Variants in CTNNA3 observed in about 807,000 individuals in gnomAD.
The protein encoded by CTNNA3 is catenin alpha 3.
CTNNA3 carries 76 observed loss-of-function variants against 95.7 expected under a neutral mutation model. The observed-to-expected ratio is 0.79, with a 90% CI of 0.66 to 0.96. The LOEUF (loss-of-function observed/expected upper bound fraction) is 0.96. Among genes scored for constraint, CTNNA3 ranks in the 40% least tolerant of loss-of-function variants. The pLI, the probability that CTNNA3 is intolerant of heterozygous loss-of-function variation, is 0.00. For synonymous variants in CTNNA3, 431 were observed against 374.4 expected (o/e 1.15, Z -1.74); for missense variants, 1,191 against 1,089.8 (o/e 1.09, Z -1.31).
chr10:66,404,506 G>A (rs974068104), intron 11 of CTNNA3, among the ~76,000 whole-genome samples: 3 of 152,222 alleles, frequency 2.0e-5, no homozygotes, highest in Non-Finnish European at 2.9e-5. Context: ...AAGGTAAAGC[G>A]TAACAGTACT....
At chr10:67,549,619 A>G (rs1375663633) in intron 3 of CTNNA3, among the ~76,000 whole-genome samples, 1 of 152,246 alleles carries the variant, frequency 6.6e-6, no homozygotes, top group Non-Finnish European at 1.5e-5. Context: ...TACTTCAGAC[A>G]GAGTCGGCAA....
chr10:66,971,544 T>C (rs187613459), intron 7 of CTNNA3, among the ~76,000 whole-genome samples: 321 of 152,304 alleles, frequency 2.1e-3, no homozygotes, highest in Non-Finnish European at 3.8e-3. Context: ...TTCATCTTCT[T>C]TAAGCCTATA....
intron 11 of CTNNA3, among the ~76,000 whole-genome samples, chr10:66,511,871 G>C (rs925692021): frequency 2.0e-5 from 3 of 151,890 alleles, no homozygotes; most frequent in Admixed American, 6.6e-5. Context: ...ATGTCTATTA[G>C]GTTCATTTGG....
At chr10:67,648,633 A>G in intron 1 of CTNNA3, 2 of 813,206 alleles carry the variant, frequency 2.5e-6, no homozygotes, top group Non-Finnish European at 3.4e-6. Context: ...ATTAAGTGAA[A>G]AGATATTACT....
At chr10:66,982,755 G>A (rs1413774981) in intron 7 of CTNNA3, among the ~76,000 whole-genome samples, 1 of 152,168 alleles carries the variant, frequency 6.6e-6, no homozygotes, top group Non-Finnish European at 1.5e-5. Flanking sequence ...GAAAAGAAAA[G>A]TAGCAAATAG....
At chr10:65,963,450 G>A (rs916303817) in intron 17 of CTNNA3, among the ~76,000 whole-genome samples, 6 of 151,994 alleles carry the variant, frequency 3.9e-5, no homozygotes, top group Non-Finnish European at 7.4e-5. Flanking sequence ...TATTAACCAA[G>A]GCCCAAAACA....
chr10:67,200,321 A>G (rs910589721), intron 6 of CTNNA3, among the ~76,000 whole-genome samples: 1 of 152,218 alleles, frequency 6.6e-6, no homozygotes, highest in Non-Finnish European at 1.5e-5. Context: ...ATAAAAAAAT[A>G]GAAATTCTTA....
chr10:65,941,706 A>T (rs971395694), intron 17 of CTNNA3, among the ~76,000 whole-genome samples: 3 of 152,118 alleles, frequency 2.0e-5, no homozygotes, highest in African/African-American at 7.2e-5. Context: ...TTTCATATTT[A>T]GTATCTTGAT....
At chr10:66,905,794 T>C (rs1845964143) in intron 7 of CTNNA3, among the ~76,000 whole-genome samples, 1 of 152,142 alleles carries the variant, frequency 6.6e-6, no homozygotes, top group Non-Finnish European at 1.5e-5. Flanking sequence ...AATAGTCAAA[T>C]TCACAGAGAG....
At chr10:66,523,416 T>C (rs753540876) in intron 10 of CTNNA3, among the ~76,000 whole-genome samples, 5 of 152,186 alleles carry the variant, frequency 3.3e-5, no homozygotes, top group Non-Finnish European at 5.9e-5. Context: ...TTGACTCTTG[T>C]GATATTTAGC....
intron 16 of CTNNA3, among the ~76,000 whole-genome samples, chr10:65,978,938 C>T (rs577123796): frequency 1.3e-5 from 2 of 152,220 alleles, no homozygotes; most frequent in South Asian, 4.1e-4. Flanking sequence ...ATTAAAAATA[C>T]ACTGGAACTC....
chr10:66,559,318 C>T (rs889547333), intron 10 of CTNNA3, among the ~76,000 whole-genome samples: 7 of 152,042 alleles, frequency 4.6e-5, no homozygotes, highest in Non-Finnish European at 8.8e-5. Context: ...GGCTACAAGG[C>T]CAGGCATGAT....
intron 11 of CTNNA3, among the ~76,000 whole-genome samples, chr10:66,492,479 G>T (rs1839958176): frequency 1.3e-5 from 2 of 151,308 alleles, no homozygotes; most frequent in South Asian, 4.2e-4. Flanking sequence ...GTAGAGACAG[G>T]GTCTTGCTAT....
At chr10:66,417,066 T>G (rs2093152712) in intron 11 of CTNNA3, among the ~76,000 whole-genome samples, 2 of 152,036 alleles carry the variant, frequency 1.3e-5, no homozygotes, top group Admixed American at 1.3e-4. Context: ...ATAAATGGAT[T>G]AAATTCTTCA....
chr10:67,738,791 G>A lies in CTNNA3; in HGVS notation c.-2+24643C>T, dbSNP rs144104092. Among the ~76,000 whole-genome samples, 1,495 of 152,150 alleles carry A rather than the reference G, an allele frequency of 9.8e-3. 12 individuals carry two copies. Among genetic ancestry groups the A allele is most frequent in the Non-Finnish European group, 0.015 (1,035 of 68,012 alleles). ...AACCAAGGCACAAGAACTACATAACGAATGCACAAGCCTCGGAAGCCAATT... is the reference window on the plus strand; with the variant it reads ...AACCAAGGCACAAGAACTACATAACAAATGCACAAGCCTCGGAAGCCAATT... On this transcript the variant is annotated intron_variant, in intron 1 of 17. Transcript: ENST00000684154.
At chr10:66,556,653 T>C (rs1045528486) in intron 10 of CTNNA3, among the ~76,000 whole-genome samples, 8 of 152,042 alleles carry the variant, frequency 5.3e-5, no homozygotes, top group Admixed American at 1.3e-4. Context: ...GATCCACTTA[T>C]ATGTGAAATA....
At chr10:67,534,548 T>G (rs751247142) in intron 4 of CTNNA3, among the ~76,000 whole-genome samples, 24 of 152,136 alleles carry the variant, frequency 1.6e-4, no homozygotes, top group Non-Finnish European at 3.4e-4. Flanking sequence ...ACATACAAAT[T>G]GAAGCCCTTT....
rs1188954832 is a variant in CTNNA3 at position 66,865,213 on chromosome 10, C to CAT, written c.1048-89690_1048-89689insAT. 2.2e-4 allele frequency among the ~76,000 whole-genome samples: 31 copies of CAT among 143,928 alleles called. No individual in the cohort carries two copies. In the East Asian group the frequency reaches 3.8e-3, roughly 18 times the overall value. The allele number at this position is 143,928 out of a possible 152,430, so 94.4% of individuals were successfully genotyped here. A position where few individuals can be genotyped will look rare whatever the true frequency, so the allele number is the denominator to read the frequency against. On this transcript the variant is annotated intron_variant, in intron 7 of 17. Transcript: ENST00000433211. ...AACAGGCATGGGGTGTGTGTGTGTG[C>CAT]GTGTGTGTGTGTGTGTGTGTGTGTG...
intron 1 of CTNNA3, among the ~76,000 whole-genome samples, chr10:67,736,071 C>T (rs1254645852): frequency 6.6e-6 from 1 of 151,976 alleles, no homozygotes; most frequent in African/African-American, 2.4e-5. Flanking sequence ...AATGGATAAA[C>T]AAAATGTGGT....
Sources: gnomAD v4.1 joint callset for allele counts (sites outside exome capture counted in the v4.1 genomes callset) on GRCh38, gnomAD v4.1.1 for gene constraint, MANE v1.5 for transcripts, NCBI Gene and HGNC (gene_info 2026-07-23, HGNC 2026-07-21) for gene names.